The following HUS1 variants were observed in gnomAD, a reference collection of about 807,000 sequenced individuals.
HUS1 encodes the protein HUS1 checkpoint clamp component.
In HUS1, 31 loss-of-function variants were observed where a neutral mutation model predicts 32.6. The ratio of observed to expected loss-of-function variants is 0.95; its 90% CI spans 0.72 to 1.28. HUS1 has a LOEUF of 1.28. Among genes scored for constraint, HUS1 ranks in the 50% most tolerant of loss-of-function variants. HUS1 has a pLI of 0.00. For synonymous variants in HUS1, 123 were observed against 116.6 expected, an observed-to-expected ratio of 1.06 and a Z score of -0.36; for missense variants, 340 against 337.7, an observed-to-expected ratio of 1.01 and a Z score of -0.05.
At chr7:47,971,288 G>A (rs1313167657) in intron 5 of HUS1, 1 of 266,468 alleles carries the variant, frequency 3.8e-6, no homozygotes, top group Non-Finnish European at 7.6e-6. Context: ...TCCAAATCCA[G>A]AAGGGTCTGG....
intron 7 of HUS1, among the ~76,000 whole-genome samples, chr7:47,966,610 A>T (rs1788484289): frequency 6.6e-6 from 1 of 152,156 alleles, no homozygotes; most frequent in African/African-American, 2.4e-5. Context: ...TGGGCATTGT[A>T]CAGGAGCTTG....
intron 7 of HUS1, among the ~76,000 whole-genome samples, chr7:47,967,011 G>C (rs1051371262): frequency 1.3e-5 from 2 of 152,144 alleles, no homozygotes; most frequent in Non-Finnish European, 2.9e-5. Context: ...AAAAGGGCTG[G>C]TCCTTGACAT....
chr7:47,975,394 T>C (rs966161499), intron 5 of HUS1, among the ~76,000 whole-genome samples: 1 of 147,398 alleles, frequency 6.8e-6, no homozygotes, highest in Non-Finnish European at 1.5e-5. Context: ...TAAAGGCAAA[T>C]ATAAAAGCTT....
At chr7:47,976,009 AAT>A (rs1454799175) in intron 4 of HUS1, among the ~76,000 whole-genome samples, 1 of 152,126 alleles carries the variant, frequency 6.6e-6, no homozygotes, top group African/African-American at 2.4e-5. Context: ...GTCCAGGGGG[AAT>A]ATAACTCAGG....
At chr7:47,972,361 A>C (rs1788616423) in intron 5 of HUS1, among the ~76,000 whole-genome samples, 1 of 152,220 alleles carries the variant, frequency 6.6e-6, no homozygotes, top group South Asian at 2.1e-4. Flanking sequence ...ATTCCTAAGA[A>C]TCTCAGTAAC....
rs202090804 is a variant in HUS1 at position 47,979,492 on chromosome 7, C to A, written c.28G>T (p.Gly10Trp). The A allele has an allele frequency of 2.0e-5, 32 of 1,613,216 alleles. No homozygotes were observed. In the East Asian group the frequency reaches 5.6e-4, roughly 28 times the overall value. Residue 10 changes from glycine to tryptophan, a missense_variant, in exon 1 of 8, where the codon GGG becomes TGG. By Grantham distance (184) the Gly-to-Trp change is radical. Transcript: ENST00000258774. MKFRAKIVD[G>W]ACLNHFTRIS... is the part of the protein sequence containing the mutation. ...CGTGTGAAGTGGTTCAGACAGGCCC[C>A]GTCCACGATCTTGGCCCGAAACTTC...
At chr7:47,975,758 ATAAC>A in intron 4 of HUS1, 71 bp from the exon 5 acceptor site, 2 of 827,912 alleles carry the variant, frequency 2.4e-6, no homozygotes, top group East Asian at 5.4e-5. Flanking sequence ...CAAGGGCCCC[ATAAC>A]TAACTCTAGA....
intron 4 of HUS1, 176 bp downstream of exon 4, chr7:47,976,554 T>C (rs1054787254): frequency 3.2e-6 from 2 of 628,826 alleles, no homozygotes; most frequent in South Asian, 1.6e-5. Context: ...ATGACATTTC[T>C]ATCATATGCA....
chr7:47,975,824 A>C (rs1396392357), intron 4 of HUS1, 137 bp from the exon 5 acceptor site: 3 of 573,936 alleles, frequency 5.2e-6, no homozygotes, highest in Non-Finnish European at 3.0e-6. Flanking sequence ...TTTCTGAATA[A>C]AGTTCTTTTA....
chr7:47,976,240 T>C (rs1272231868), intron 4 of HUS1: 2 of 412,666 alleles, frequency 4.8e-6, no homozygotes, highest in Non-Finnish European at 9.7e-6. Flanking sequence ...ACTTTCTTCT[T>C]AAACAAATTG....
At position 47,969,232 on chromosome 7, in the gene HUS1, T is replaced by C; in HGVS notation, c.627A>G (p.Gly209=). 6.4e-7 allele frequency: 1 copy of C among 1,551,520 alleles called. No homozygotes were observed. The highest frequency in any genetic ancestry group is 8.8e-7 in the Non-Finnish European group (1 of 1,133,370). The stretch of plus-strand genomic sequence containing the variant: ...TAGAAAACTTACCTAATGGAGGATT[T>C]CCAAGATCTTTAAAATGAGTTGTAA... The part of the protein sequence containing the change: ...VCVTTHFKDL[G]NPPLASESTH... The change falls in exon 6 of 8, where the codon GGA becomes GGG. Residue 209 remains glycine (G), a synonymous_variant. Coordinates refer to ENST00000258774, the MANE Select transcript of HUS1 (RefSeq NM_004507.4).
chr7:47,964,552 A>G lies in HUS1; in HGVS notation c.*804T>C, dbSNP rs970488957. The G allele has an allele frequency of 6.6e-6, 1 of 152,238 alleles. No homozygotes were observed. The highest frequency in any genetic ancestry group is 1.5e-5 in the Non-Finnish European group (1 of 68,042). 9.4% of individuals were successfully genotyped at this position (152,238 alleles called of 1,614,324 possible). The stretch of plus-strand genomic sequence containing the variant: ...CAAAGAAATATGGTCTCATCACTTA[A>G]CACAGATGATACCTTAGAAGTTTCG... On this transcript the variant is annotated 3_prime_UTR_variant, in exon 8 of 8. Transcript: ENST00000258774.
At chr7:47,974,846 A>T (rs1296287621) in intron 5 of HUS1, among the ~76,000 whole-genome samples, 2 of 152,164 alleles carry the variant, frequency 1.3e-5, no homozygotes, top group Non-Finnish European at 2.9e-5. Flanking sequence ...CAGAAATATA[A>T]AAGTGCCCCC....
At chr7:47,971,528 G>T (rs995962344) in intron 5 of HUS1, 7 of 456,618 alleles carry the variant, frequency 1.5e-5, no homozygotes, top group Non-Finnish European at 2.6e-5. Flanking sequence ...TAGAAGTGAA[G>T]CATATGCCAC....
rs3176529 is a variant in HUS1, at chr7:47,975,829, C to A, written c.466-142G>T. The A allele has an allele frequency of 9.4e-4, 537 of 571,306 alleles. 6 individuals carry two copies. In the African/African-American group the frequency reaches 9.6e-3, roughly 10 times the overall value. The allele number at this position is 571,306 out of a possible 1,614,324, so 35.4% of individuals were successfully genotyped here. A position where few individuals can be genotyped will look rare whatever the true frequency, so the allele number is the denominator to read the frequency against. On this transcript the variant is annotated intron_variant, in intron 4 of 7. Coordinates refer to ENST00000258774, the MANE Select transcript of HUS1 (RefSeq NM_004507.4). ...ATTTTACAATTTTCTGAATAAAGTT[C>A]TTTTAAAAATATAAAAAGAAAACCA... is the stretch of plus-strand genomic sequence containing the variant.
chr7:47,970,029 C>T (rs1788562651), intron 5 of HUS1, among the ~76,000 whole-genome samples: 2 of 151,738 alleles, frequency 1.3e-5, no homozygotes, highest in South Asian at 4.2e-4. Flanking sequence ...GTCAGGAGAT[C>T]AAGACCATCC....
At position 47,969,302 on chromosome 7, in the gene HUS1, A is replaced by G; in HGVS notation, c.557T>C (p.Leu186Pro). 1 of 1,584,966 alleles carries G rather than the reference A, an allele frequency of 6.3e-7. No individual in the cohort carries two copies. Among genetic ancestry groups the G allele is most frequent in the Non-Finnish European group, 8.6e-7 (1 of 1,157,736 alleles). The part of the protein sequence containing the change: ...ISNHLVIEAN[L>P]DGELNLKIET... ...TATTTTCAAATTCAATTCTCCATCT[A>G]GGTTTGCTTCAATAACCTGCAAATT... Residue 186 changes from leucine (L) to proline (P), a missense_variant, in exon 6 of 8, where the codon CTA becomes CCA. Transcript: ENST00000258774.
chr7:47,968,343 A>G (rs1187041917), intron 6 of HUS1, among the ~76,000 whole-genome samples: 1 of 152,224 alleles, frequency 6.6e-6, no homozygotes, highest in East Asian at 1.9e-4. Flanking sequence ...ATGTTTATTA[A>G]AAGAAACAAA....
intron 1 of HUS1, 58 bp downstream of exon 1, chr7:47,979,393 TCCTGCGCGGTCCCCACC>T (rs1788778202): frequency 7.0e-7 from 1 of 1,425,580 alleles, no homozygotes; most frequent in Admixed American, 2.0e-5. Flanking sequence ...GTTCTGATCC[TCCTGCGCGGTCCCCACC>T]GCGCGCTCAC....
Sources: gnomAD v4.1 joint callset for allele counts (sites outside exome capture counted in the v4.1 genomes callset) on GRCh38, gnomAD v4.1.1 for gene constraint, MANE v1.5 for transcripts, NCBI Gene and HGNC (gene_info 2026-07-23, HGNC 2026-07-21) for gene names.